The following CACNA1C variants were observed in gnomAD, a reference collection of about 807,000 sequenced individuals.
CACNA1C encodes the protein voltage-dependent L-type calcium channel subunit alpha-1C.
A neutral mutation model predicts 229.0 loss-of-function variants in CACNA1C; 30 were observed. The ratio of observed to expected loss-of-function variants is 0.13; its 90% CI spans 0.10 to 0.18. CACNA1C has a LOEUF of 0.18. Ranked by LOEUF, CACNA1C falls within the 10% of genes least tolerant of loss-of-function variation. CACNA1C has a pLI of 1.00. For missense variants in CACNA1C, 1,658 were observed against 2,845.0 expected (o/e 0.58, Z 9.49); for synonymous variants, 1,114 against 1,132.5 (o/e 0.98, Z 0.33).
intron 3 of CACNA1C, among the ~76,000 whole-genome samples, chr12:2,382,443 A>G (rs1459573374): frequency 6.6e-6 from 1 of 152,198 alleles, no homozygotes; most frequent in Non-Finnish European, 1.5e-5. Context: ...CTTTATTTCC[A>G]TTTAAGAACA....
Position 2,566,082 on chromosome 12 carries a change from G to A in CACNA1C, c.1509-340G>A, listed in dbSNP as rs2050726650. 6.6e-6 allele frequency among the ~76,000 whole-genome samples: 1 copy of A among 152,204 alleles called. No individual in the cohort carries two copies. The highest frequency in any genetic ancestry group is 2.1e-4 in the South Asian group (1 of 4,826). On this transcript the variant is annotated intron_variant, in intron 11 of 46. Coordinates refer to ENST00000399655, the MANE Select transcript of CACNA1C (RefSeq NM_000719.7). The surrounding 1 kb of genome is among the most constrained non-coding windows in gnomAD (Gnocchi z 4.0). The stretch of plus-strand genomic sequence containing the variant: ...TTATTGCTTACAACACTATTTCTAA[G>A]AATGCTGTTTCACAAAAATTAAAAA...
At chr12:2,139,251 G>A (rs1015537467) in intron 3 of CACNA1C, among the ~76,000 whole-genome samples, 4 of 150,654 alleles carry the variant, frequency 2.7e-5, no homozygotes, top group Non-Finnish European at 5.9e-5. Context: ...CTCTGCCTCC[G>A]TCTTCACATG....
At chr12:2,450,351 G>C (rs985410491) in intron 4 of CACNA1C, among the ~76,000 whole-genome samples, 2 of 151,778 alleles carry the variant, frequency 1.3e-5, no homozygotes, top group Admixed American at 6.6e-5. Context: ...TCAGGAGATC[G>C]AGACCATCCT....
intron 42 of CACNA1C, chr12:2,681,847 G>A (rs1378558382): frequency 1.3e-6 from 1 of 746,698 alleles, no homozygotes; most frequent in East Asian, 2.5e-5. Flanking sequence ...AGCATGCAAG[G>A]TCTATAGAAA....
intron 3 of CACNA1C, among the ~76,000 whole-genome samples, chr12:2,334,647 A>G (rs905976791): frequency 6.6e-6 from 1 of 152,162 alleles, no homozygotes; most frequent in South Asian, 2.1e-4. Flanking sequence ...TCTACAAAAT[A>G]ATATTTTTTT....
At chr12:2,274,485 C>T (rs970337250) in intron 3 of CACNA1C, among the ~76,000 whole-genome samples, 15 of 152,150 alleles carry the variant, frequency 9.9e-5, no homozygotes, top group South Asian at 2.1e-4. Flanking sequence ...AGTTTTCAGC[C>T]GCTGGTGACT....
Position 2,457,613 on chromosome 12 carries a change from A to G in CACNA1C, c.664A>G (p.Asn222Asp), listed in dbSNP as rs373085638. ...ACAAGCAACCAAAGCAGATGGGGCA[A>G]ACGCTCTCGGAGGGAAAGGGGCCGG... ...LEQATKADGA[N>D]ALGGKGAGFD... The change falls in exon 5 of 47, where the codon AAC becomes GAC. Residue 222 changes from asparagine to aspartate, a missense_variant. Transcript: ENST00000399655. The G allele has an allele frequency of 1.2e-6, 2 of 1,613,286 alleles. No individual in the cohort carries two copies. The highest frequency in any genetic ancestry group is 8.5e-7 in the Non-Finnish European group (1 of 1,179,548).
chr12:2,427,275 G>A (rs541037593), intron 3 of CACNA1C, among the ~76,000 whole-genome samples: 1 of 152,198 alleles, frequency 6.6e-6, no homozygotes, highest in African/African-American at 2.4e-5. Context: ...GATGGGGATG[G>A]TAGTGGGGTT....
rs529799562 is a variant in CACNA1C, at chr12:2,210,243, A to G, written c.477+89813A>G. Among the ~76,000 whole-genome samples the G allele has an allele frequency of 4.1e-4, 63 of 152,318 alleles. No individual in the cohort carries two copies. The South Asian group carries it at 6.8e-3, about 17-fold the overall frequency. ...GGCAAGTGAGAATTGGGGTATGCCT[A>G]TGTTTCAACAGTTTCATTAGGGTCA... On this transcript the variant is annotated intron_variant, in intron 3 of 46. Transcript: ENST00000399655.
upstream of CACNA1C, among the ~76,000 whole-genome samples, chr12:2,050,052 G>T (rs1343225835): frequency 6.6e-6 from 1 of 152,200 alleles, no homozygotes; most frequent in Non-Finnish European, 1.5e-5. Flanking sequence ...CTTTAGAAAA[G>T]CTGGGCTATA....
intron 3 of CACNA1C, among the ~76,000 whole-genome samples, chr12:2,127,356 T>C (rs1205580441): frequency 1.3e-5 from 2 of 152,256 alleles, no homozygotes; most frequent in Admixed American, 6.5e-5. Flanking sequence ...CTGTGTTTTC[T>C]TTTATTATCA....
intron 3 of CACNA1C, among the ~76,000 whole-genome samples, chr12:2,364,087 C>G (rs572358580): frequency 6.6e-6 from 1 of 152,194 alleles, no homozygotes; most frequent in Non-Finnish European, 1.5e-5. Flanking sequence ...CATCCCAGCC[C>G]CAGACCAGCC....
Position 2,685,841 on chromosome 12 carries a change from A to G in CACNA1C, c.5679A>G (p.Leu1893=). 1 of 1,604,110 alleles carries G rather than the reference A, an allele frequency of 6.2e-7. No individual in the cohort carries two copies. Among genetic ancestry groups the G allele is most frequent in the Non-Finnish European group, 8.5e-7 (1 of 1,170,884 alleles). ...PKRGFLRSAS[L]GRRASFHLEC... ...GGGGTTTCCTCCGCTCTGCCTCACTAGGTAAATGCACCGCTCGCTCTCTGG... is the reference window on the plus strand; with the variant it reads ...GGGGTTTCCTCCGCTCTGCCTCACTGGGTAAATGCACCGCTCGCTCTCTGG... The change falls in exon 44 of 47, where the codon CTA becomes CTG. Residue 1893 remains leucine, a splice_region_variant and synonymous_variant. Transcript: ENST00000399655.
intron 3 of CACNA1C, among the ~76,000 whole-genome samples, chr12:2,308,657 G>T (rs556621214): frequency 1.3e-4 from 20 of 152,254 alleles, no homozygotes; most frequent in African/African-American, 4.8e-4. Flanking sequence ...GAGTGCTTTG[G>T]CTATTCAGGC....
intron 1 of CACNA1C, among the ~76,000 whole-genome samples, chr12:1,990,820 T>A (rs867465777): frequency 5.9e-5 from 9 of 152,280 alleles, no homozygotes; most frequent in African/African-American, 2.2e-4. Flanking sequence ...TTATATAACA[T>A]ATTTGAATTC....
chr12:2,248,236 C>G (rs2074166229), intron 3 of CACNA1C, among the ~76,000 whole-genome samples: 2 of 152,192 alleles, frequency 1.3e-5, no homozygotes. Context: ...GGACTCTGCT[C>G]TATAAATATA....
intron 3 of CACNA1C, among the ~76,000 whole-genome samples, chr12:2,401,388 T>C (rs2098675058): frequency 6.6e-6 from 1 of 152,216 alleles, no homozygotes; most frequent in South Asian, 2.1e-4. Flanking sequence ...CTCACATTCA[T>C]TTCACACCCT....
chr12:2,681,906 G>C, intron 42 of CACNA1C: 1 of 1,070,780 alleles, frequency 9.3e-7, no homozygotes, highest in Non-Finnish European at 1.5e-6. Flanking sequence ...AAAAGGAAGA[G>C]GCCTTGGTCC....
At chr12:2,318,466 C>T (rs1230542960) in intron 3 of CACNA1C, among the ~76,000 whole-genome samples, 1 of 152,256 alleles carries the variant, frequency 6.6e-6, no homozygotes, top group African/African-American at 2.4e-5. Flanking sequence ...GGCCTCCATC[C>T]GTTGGACCTG....
Sources: allele counts gnomAD v4.1 joint callset (sites outside exome capture counted in the v4.1 genomes callset), GRCh38; gene constraint gnomAD v4.1.1; non-coding constraint Gnocchi (gnomAD v3.1); transcripts MANE v1.5; gene names NCBI Gene and HGNC (gene_info 2026-07-23, HGNC 2026-07-21).